The following TRIO variants were observed in gnomAD, a reference collection of about 807,000 sequenced individuals.
TRIO encodes trio Rho guanine nucleotide exchange factor, also known as triple functional domain protein.
Under a neutral mutation model 351.9 loss-of-function variants are expected in TRIO, and 58 were observed. The ratio of observed to expected loss-of-function variants is 0.16; its 90% CI spans 0.13 to 0.21. TRIO has a LOEUF of 0.21. Among genes scored for constraint, TRIO ranks in the 10% least tolerant of loss-of-function variants. The probability of loss-of-function intolerance (pLI) is 1.00; values close to 1 mark genes in which losing one functional copy is unlikely to be tolerated. For synonymous variants in TRIO, 1,758 were observed against 1,595.7 expected (o/e 1.10, Z -2.42); for missense variants, 3,201 against 4,027.8 (o/e 0.79, Z 5.56).
chr5:14,156,922 G>A (rs922127450), intron 1 of TRIO, among the ~76,000 whole-genome samples: 1 of 152,176 alleles, frequency 6.6e-6, no homozygotes, highest in Non-Finnish European at 1.5e-5. Flanking sequence ...AAAATCAGGA[G>A]TCGCCAGAGA....
intron 34 of TRIO, among the ~76,000 whole-genome samples, chr5:14,441,918 G>A (rs80034909): frequency 0.012 from 1,862 of 152,260 alleles, 43 homozygotes; most frequent in African/African-American, 0.042. Flanking sequence ...CTTTATCTGC[G>A]GAACTAGGGA....
chr5:14,266,055 C>A (rs1472785903), intron 1 of TRIO, among the ~76,000 whole-genome samples: 2 of 144,876 alleles, frequency 1.4e-5, no homozygotes, highest in Non-Finnish European at 3.1e-5. Flanking sequence ...ATCCATCCAT[C>A]TTTCTTTTCC....
At chr5:14,258,373 C>T (rs1313511934) in intron 1 of TRIO, among the ~76,000 whole-genome samples, 1 of 152,140 alleles carries the variant, frequency 6.6e-6, no homozygotes, top group African/African-American at 2.4e-5. Context: ...GAGAGTTGGC[C>T]GGTGAGGGAG....
chr5:14,208,433 A>G (rs424275), intron 1 of TRIO, among the ~76,000 whole-genome samples: 122,750 of 152,234 alleles, frequency 0.81, 50,107 homozygotes, highest in East Asian at 0.99. Context: ...GCATGATGCC[A>G]TTTCTATGAA....
intron 41 of TRIO, 48 bp downstream of exon 41, chr5:14,477,011 T>C (rs1561535175): frequency 6.6e-7 from 1 of 1,525,864 alleles, no homozygotes; most frequent in Non-Finnish European, 9.0e-7. Flanking sequence ...GTGTCATCCT[T>C]AGTCACTGGT....
chr5:14,299,190 A>G (rs1424940317), intron 7 of TRIO, among the ~76,000 whole-genome samples: 2 of 152,230 alleles, frequency 1.3e-5, no homozygotes, highest in African/African-American at 2.4e-5. Flanking sequence ...AACATACAGC[A>G]AAATTGAAAG....
chr5:14,271,131 T>C (rs1387778683), intron 2 of TRIO, among the ~76,000 whole-genome samples: 1 of 152,242 alleles, frequency 6.6e-6, no homozygotes, highest in Non-Finnish European at 1.5e-5. Flanking sequence ...AATACATTTG[T>C]TTCTGCCATT....
At chr5:14,238,504 G>A (rs997654816) in intron 1 of TRIO, among the ~76,000 whole-genome samples, 2 of 152,122 alleles carry the variant, frequency 1.3e-5, no homozygotes, top group African/African-American at 4.8e-5. Flanking sequence ...TGTGGGCCCC[G>A]TGCACCACCT....
chr5:14,187,087 G>A (rs1372608360), intron 1 of TRIO, among the ~76,000 whole-genome samples: 1 of 152,166 alleles, frequency 6.6e-6, no homozygotes, highest in East Asian at 1.9e-4. Context: ...CTTGTCCAAG[G>A]CAGCCTAAAG....
chr5:14,299,537 C>G (rs1737675183), intron 7 of TRIO, among the ~76,000 whole-genome samples: 2 of 152,274 alleles, frequency 1.3e-5, no homozygotes, highest in East Asian at 1.9e-4. Context: ...TGTCTCGTCC[C>G]CCTCACTGAA....
chr5:14,440,944 G>A (rs942400294), intron 34 of TRIO: 2 of 152,234 alleles, frequency 1.3e-5, no homozygotes, highest in Non-Finnish European at 2.9e-5. Flanking sequence ...ATTAGAGTCA[G>A]TGTGGTAGAA....
intron 33 of TRIO, 87 bp from the exon 34 acceptor site, chr5:14,419,691 A>C: frequency 2.3e-4 from 357 of 1,555,782 alleles, no homozygotes; most frequent in Non-Finnish European, 2.9e-4. Context: ...GGGTGGCAGG[A>C]ACCCACCTGG....
intron 1 of TRIO, among the ~76,000 whole-genome samples, chr5:14,264,612 C>G (rs1310824903): frequency 6.6e-6 from 1 of 151,924 alleles, no homozygotes; most frequent in South Asian, 2.1e-4. Flanking sequence ...TGTGTCTTCC[C>G]CCCACCCTTT....
At chr5:14,241,447 G>A (rs898598407) in intron 1 of TRIO, among the ~76,000 whole-genome samples, 4 of 152,136 alleles carry the variant, frequency 2.6e-5, no homozygotes, top group South Asian at 2.1e-4. Context: ...TAAGCTTTTC[G>A]TTATCAGATG....
intron 1 of TRIO, among the ~76,000 whole-genome samples, chr5:14,173,174 C>T (rs1789199063): frequency 6.8e-6 from 1 of 146,370 alleles, no homozygotes; most frequent in Admixed American, 6.8e-5. Context: ...ATCTCAGATG[C>T]TCACATTGTA....
intron 36 of TRIO, 149 bp from the exon 37 acceptor site, chr5:14,465,394 CTT>C: frequency 1.4e-6 from 1 of 709,652 alleles, no homozygotes; most frequent in East Asian, 2.7e-5. Flanking sequence ...AAAAGGATGA[CTT>C]TAAATAAATG....
chr5:14,346,856 C>T (rs1742465523), intron 11 of TRIO, among the ~76,000 whole-genome samples: 1 of 152,248 alleles, frequency 6.6e-6, no homozygotes. Context: ...CAAAACTCTC[C>T]TCATCCTCCC....
intron 1 of TRIO, among the ~76,000 whole-genome samples, chr5:14,188,449 A>G (rs912762128): frequency 2.6e-5 from 4 of 152,214 alleles, no homozygotes; most frequent in South Asian, 2.1e-4. Flanking sequence ...CCACTTCGCT[A>G]TAACTGTTGT....
chr5:14,179,292 AC>A (rs1399481594), intron 1 of TRIO, among the ~76,000 whole-genome samples: 3 of 152,178 alleles, frequency 2.0e-5, no homozygotes, highest in Non-Finnish European at 2.9e-5. Flanking sequence ...ACTCAAACAT[AC>A]GGTGAAGTTA....
Sources: allele counts gnomAD v4.1 joint callset (sites outside exome capture counted in the v4.1 genomes callset), GRCh38; gene constraint gnomAD v4.1.1; transcripts MANE v1.5; gene names NCBI Gene and HGNC (gene_info 2026-07-23, HGNC 2026-07-21).